Variants in RIMS1 observed in about 807,000 individuals in gnomAD.
RIMS1 encodes regulating synaptic membrane exocytosis protein 1.
A neutral mutation model predicts 214.1 loss-of-function variants in RIMS1; 83 were observed. The ratio of observed to expected loss-of-function variants is 0.39; its 90% CI spans 0.32 to 0.47. The LOEUF is 0.47. Among genes scored for constraint, RIMS1 ranks in the 20% least tolerant of loss-of-function variants. The probability of loss-of-function intolerance (pLI) is 0.99; values close to 1 mark genes in which losing one functional copy is unlikely to be tolerated. For missense variants in RIMS1, 2,050 were observed against 2,161.8 expected, an observed-to-expected ratio of 0.95 and a Z score of 1.03; for synonymous variants, 793 against 786.8, an observed-to-expected ratio of 1.01 and a Z score of -0.13.
At chr6:72,399,257 T>C (rs1207171811) in intron 33 of RIMS1, among the ~76,000 whole-genome samples, 163 bp downstream of exon 33, 2 of 152,002 alleles carry the variant, frequency 1.3e-5, no homozygotes, top group Non-Finnish European at 2.9e-5. Flanking sequence ...ATAAATAATA[T>C]ATAATATCAA....
intron 3 of RIMS1, among the ~76,000 whole-genome samples, chr6:72,099,049 G>T (rs759698779): frequency 2.0e-4 from 31 of 152,222 alleles, no homozygotes; most frequent in Non-Finnish European, 4.1e-4. Context: ...TAAGGACATT[G>T]TTCAGTCTGA....
At chr6:71,949,027 A>G (rs1238538922) in intron 1 of RIMS1, among the ~76,000 whole-genome samples, 1 of 152,218 alleles carries the variant, frequency 6.6e-6, no homozygotes, top group East Asian at 1.9e-4. Flanking sequence ...CAACCATCAT[A>G]TGTAAAGGCT....
chr6:72,242,558 G>T, intron 10 of RIMS1, 121 bp downstream of exon 10: 1 of 643,208 alleles, frequency 1.6e-6, no homozygotes, highest in South Asian at 2.8e-5. Flanking sequence ...CATCAATTAT[G>T]GGCATACATT....
At chr6:72,394,323 A>G (rs913903369) in intron 31 of RIMS1, among the ~76,000 whole-genome samples, 1 of 152,188 alleles carries the variant, frequency 6.6e-6, no homozygotes, top group African/African-American at 2.4e-5. Flanking sequence ...GTGTAGGGAA[A>G]AAGAAGGTCT....
chr6:72,108,703 T>C (rs1277915906), intron 4 of RIMS1, among the ~76,000 whole-genome samples: 3 of 151,872 alleles, frequency 2.0e-5, no homozygotes, highest in Non-Finnish European at 4.4e-5. Context: ...TTTTATTTTA[T>C]TTTATTATTA....
chr6:72,194,076 C>T (rs72942725), intron 6 of RIMS1, among the ~76,000 whole-genome samples: 40,345 of 151,838 alleles, frequency 0.27, 6,133 homozygotes, highest in Non-Finnish European at 0.34. Flanking sequence ...TACAAAACAC[C>T]GATGAAATAA....
intron 2 of RIMS1, among the ~76,000 whole-genome samples, chr6:71,969,979 T>G (rs1190984834): frequency 6.6e-6 from 1 of 152,182 alleles, no homozygotes; most frequent in African/African-American, 2.4e-5. Flanking sequence ...CTCCCTGCTT[T>G]ACCCTTTATT....
chr6:72,253,448 A>G (rs1456751278), intron 16 of RIMS1, among the ~76,000 whole-genome samples: 1 of 152,184 alleles, frequency 6.6e-6, no homozygotes, highest in Non-Finnish European at 1.5e-5. Context: ...TAGGGTTTAA[A>G]TGTTTCTCAT....
At chr6:72,067,487 C>G (rs1335784210) in intron 2 of RIMS1, among the ~76,000 whole-genome samples, 1 of 152,206 alleles carries the variant, frequency 6.6e-6, no homozygotes, top group Non-Finnish European at 1.5e-5. Context: ...CATAGAGGGG[C>G]TGGTCAGGAC....
intron 29 of RIMS1, among the ~76,000 whole-genome samples, chr6:72,344,872 A>C (rs2097207497): frequency 6.6e-6 from 1 of 151,858 alleles, no homozygotes; most frequent in African/African-American, 2.4e-5. Flanking sequence ...TAAGATATAG[A>C]TATACTTTTA....
At chr6:72,175,310 T>C (rs867477207) in intron 4 of RIMS1, 1 of 298,590 alleles carries the variant, frequency 3.3e-6, no homozygotes, top group Middle Eastern at 6.2e-4. Flanking sequence ...TTCATGCTTA[T>C]ATTTATTCTT....
chr6:71,947,653 A>G (rs1271166497), intron 1 of RIMS1, among the ~76,000 whole-genome samples: 1 of 152,106 alleles, frequency 6.6e-6, no homozygotes, highest in Non-Finnish European at 1.5e-5. Context: ...CGTTAATAAC[A>G]ATATATTGTA....
intron 2 of RIMS1, among the ~76,000 whole-genome samples, chr6:72,030,164 G>A (rs1817693727): frequency 6.6e-6 from 1 of 152,166 alleles, no homozygotes; most frequent in Non-Finnish European, 1.5e-5. Context: ...AATCACCTCA[G>A]GGTTTTAGCT....
chr6:72,196,603 T>TTTTTTTTTTTTTTTTTTTTA (rs780611745), intron 6 of RIMS1, among the ~76,000 whole-genome samples: 1 of 132,208 alleles, frequency 7.6e-6, no homozygotes, highest in African/African-American at 2.8e-5. Context: ...TTTTTTTTTT[T>TTTTTTTTTTTTTTTTTTTTA]ACCTATACAG....
chr6:72,349,163 A>G (rs1362446678), intron 29 of RIMS1, among the ~76,000 whole-genome samples: 1 of 152,068 alleles, frequency 6.6e-6, no homozygotes, highest in African/African-American at 2.4e-5. Context: ...CAACCGAAAA[A>G]TGTGGTACAC....
intron 19 of RIMS1, chr6:72,262,887 A>C: frequency 1.8e-6 from 1 of 547,438 alleles, no homozygotes; most frequent in Non-Finnish European, 2.3e-6. Context: ...GGAAAATAAC[A>C]TTTATTTAAT....
chr6:72,263,344 T>C, intron 19 of RIMS1: 1 of 985,156 alleles, frequency 1.0e-6, no homozygotes, highest in Non-Finnish European at 1.2e-6. Context: ...TATCCTACTG[T>C]GTCCTAAATA....
At chr6:72,200,320 C>G (rs987433147) in intron 6 of RIMS1, among the ~76,000 whole-genome samples, 1 of 152,072 alleles carries the variant, frequency 6.6e-6, no homozygotes, top group Non-Finnish European at 1.5e-5. Flanking sequence ...GAGCATAGTC[C>G]CTGACCTCAG....
intron 2 of RIMS1, among the ~76,000 whole-genome samples, chr6:71,978,699 TG>T (rs377463594): frequency 6.6e-6 from 1 of 152,196 alleles, no homozygotes; most frequent in Non-Finnish European, 1.5e-5. Flanking sequence ...ATAACAAAAT[TG>T]CATTGAGTCT....
Sources: allele counts gnomAD v4.1 joint callset (sites outside exome capture counted in the v4.1 genomes callset), GRCh38; gene constraint gnomAD v4.1.1; transcripts MANE v1.5; gene names NCBI Gene and HGNC (gene_info 2026-07-23, HGNC 2026-07-21).